The following AGAP1 variants were observed in gnomAD, a reference collection of about 807,000 sequenced individuals.
AGAP1 encodes the protein arf-GAP with GTPase, ANK repeat and PH domain-containing protein 1.
Under a neutral mutation model 105.3 loss-of-function variants are expected in AGAP1, and 29 were observed. The observed-to-expected ratio is 0.28, with a 90% CI of 0.21 to 0.38. The LOEUF (loss-of-function observed/expected upper bound fraction) is 0.38, where lower values mean the gene tolerates loss of function less well. AGAP1 is among the 10% of genes least tolerant of loss of function. The probability of loss-of-function intolerance (pLI) is 1.00; values close to 1 mark genes in which losing one functional copy is unlikely to be tolerated. For synonymous variants in AGAP1, 509 were observed against 485.9 expected, an observed-to-expected ratio of 1.05 and a Z score of -0.63; for missense variants, 998 against 1,165.1, an observed-to-expected ratio of 0.86 and a Z score of 2.09.
chr2:235,633,597 A>G lies in AGAP1; in HGVS notation c.164-75582A>G, dbSNP rs1237619779. 6.6e-6 allele frequency among the ~76,000 whole-genome samples: 1 copy of G among 151,948 alleles called. No individual in the cohort carries two copies. Among genetic ancestry groups the G allele is most frequent in the African/African-American group, 2.4e-5 (1 of 41,254 alleles). ...GACAAGAGCAAGACTCTGTCTTAAA[A>G]ATAAAAGAGCTTGAGTGAATTGTCA... On this transcript the variant is annotated intron_variant, in intron 1 of 17. Coordinates refer to ENST00000304032, the MANE Select transcript of AGAP1 (RefSeq NM_001037131.3). The surrounding 1 kb of genome is among the most constrained non-coding windows in gnomAD (Gnocchi z 4.8).
chr2:236,017,223 G>A (rs1002615335), intron 13 of AGAP1, among the ~76,000 whole-genome samples: 2 of 151,324 alleles, frequency 1.3e-5, no homozygotes, highest in Admixed American at 6.6e-5. Context: ...AACCCAGGAG[G>A]CGGAGGTTGC....
chr2:235,794,764 G>A (rs962048494), intron 6 of AGAP1, among the ~76,000 whole-genome samples: 2 of 152,086 alleles, frequency 1.3e-5, no homozygotes, highest in African/African-American at 2.4e-5. Flanking sequence ...GAGCCACCGC[G>A]CCCAGCCGCT....
chr2:235,632,497 T>G (rs1430031383), intron 1 of AGAP1, among the ~76,000 whole-genome samples: 1 of 152,206 alleles, frequency 6.6e-6, no homozygotes, highest in African/African-American at 2.4e-5. Context: ...CTGATGGGCT[T>G]TGGTGAGCTG....
At position 236,036,731 on chromosome 2, in the gene AGAP1, GC is replaced by G. The variant is rs1467495803; in HGVS notation, c.1800+19del. 6.2e-7 allele frequency: 1 copy of G among 1,613,624 alleles called. No individual in the cohort carries two copies. The highest frequency in any genetic ancestry group is 1.3e-5 in the African/African-American group (1 of 74,920). ...CAAGAACAAGGTGAGGCCCCTGGCTGCCCAAAACCAAGGCTGGGGCTGCTCA... is the reference window on the plus strand; with the variant it reads ...CAAGAACAAGGTGAGGCCCCTGGCTGCCAAAACCAAGGCTGGGGCTGCTCA... On this transcript the variant is annotated intron_variant, in intron 14 of 17. Coordinates refer to ENST00000304032, the MANE Select transcript of AGAP1 (RefSeq NM_001037131.3). This position sits in a 1 kb window ranked among gnomAD's most constrained non-coding sequence, Gnocchi z 5.7.
intron 5 of AGAP1, among the ~76,000 whole-genome samples, chr2:235,748,195 T>C (rs1953123321): frequency 6.6e-6 from 1 of 152,212 alleles, no homozygotes; most frequent in African/African-American, 2.4e-5. Context: ...CCCGTTTTGG[T>C]GCAGTGGCAG....
intron 1 of AGAP1, among the ~76,000 whole-genome samples, chr2:235,686,392 A>G (rs1213096784): frequency 6.6e-6 from 1 of 151,678 alleles, no homozygotes; most frequent in Middle Eastern, 3.2e-3. Flanking sequence ...TCTATATTGG[A>G]ATTCTTTGTC....
rs1574907388 is a variant in AGAP1, at chr2:235,586,485, A to C, written c.163+91636A>C. ...TTATGTGGTGTGTTGGATTCACAGC[A>C]GTCAAGGCTGCCACGAGCAAGTATT... On this transcript the variant is annotated intron_variant, in intron 1 of 17. Transcript: ENST00000304032. This position sits in a 1 kb window ranked among gnomAD's most constrained non-coding sequence, Gnocchi z 4.2. Among the ~76,000 whole-genome samples the C allele has an allele frequency of 6.6e-6, 1 of 152,240 alleles. No individual in the cohort carries two copies. Among genetic ancestry groups the C allele is most frequent in the South Asian group, 2.1e-4 (1 of 4,832 alleles).
chr2:235,511,937 T>G (rs560125611), intron 1 of AGAP1, among the ~76,000 whole-genome samples: 90 of 151,450 alleles, frequency 5.9e-4, no homozygotes, highest in Non-Finnish European at 7.1e-4. Flanking sequence ...TGTGAATGTG[T>G]ATGTGTGGGT....
chr2:235,793,888 A>G lies in AGAP1; in HGVS notation c.674-3871A>G, dbSNP rs538322693. Among the ~76,000 whole-genome samples, 1 of 152,338 alleles carries G rather than the reference A, an allele frequency of 6.6e-6. No individual in the cohort carries two copies. The highest frequency in any genetic ancestry group is 1.9e-4 in the East Asian group (1 of 5,186). ...GTGCTATTTCCCTCTATAGAATAGAACATTTACAGTTTGTGGATAAAGTAA... is the reference window on the plus strand; with the variant it reads ...GTGCTATTTCCCTCTATAGAATAGAGCATTTACAGTTTGTGGATAAAGTAA... On this transcript the variant is annotated intron_variant, in intron 6 of 17. Coordinates refer to ENST00000304032, the MANE Select transcript of AGAP1 (RefSeq NM_001037131.3). The surrounding 1 kb of genome is among the most constrained non-coding windows in gnomAD (Gnocchi z 5.3).
chr2:235,938,368 C>A (rs935000434), intron 12 of AGAP1, among the ~76,000 whole-genome samples: 1 of 152,196 alleles, frequency 6.6e-6, no homozygotes, highest in Admixed American at 6.5e-5. Flanking sequence ...CCTGCCCACC[C>A]GACCGCCTCC....
Position 235,535,288 on chromosome 2 carries a change from C to A in AGAP1, c.163+40439C>A, listed in dbSNP as rs975772625. Among the ~76,000 whole-genome samples, 3 of 152,074 alleles carry A rather than the reference C, an allele frequency of 2.0e-5. No individual in the cohort carries two copies. Among genetic ancestry groups the A allele is most frequent in the Admixed American group, 6.5e-5 (1 of 15,272 alleles). Reference sequence around the variant, plus strand: ...TTTCATCTGCACGTCTCTTTCAATGCGGGCGTGCGAACTTCCAGGTAGAGC... The same window carrying A: ...TTTCATCTGCACGTCTCTTTCAATGAGGGCGTGCGAACTTCCAGGTAGAGC... On this transcript the variant is annotated intron_variant, in intron 1 of 17. Coordinates refer to ENST00000304032, the MANE Select transcript of AGAP1 (RefSeq NM_001037131.3). This position sits in a 1 kb window ranked among gnomAD's most constrained non-coding sequence, Gnocchi z 5.1.
chr2:235,565,310 C>T (rs1299098217), intron 1 of AGAP1, among the ~76,000 whole-genome samples: 1 of 152,212 alleles, frequency 6.6e-6, no homozygotes, highest in Non-Finnish European at 1.5e-5. Flanking sequence ...GGCCCCATGC[C>T]ACATGACACT....
In AGAP1 at chr2:235,900,168, G is replaced by A; in HGVS notation, c.1156-8570G>A. Among the ~76,000 whole-genome samples, 1 of 152,180 alleles carries A rather than the reference G, an allele frequency of 6.6e-6. No individual in the cohort carries two copies. Among genetic ancestry groups the A allele is most frequent in the South Asian group, 2.1e-4 (1 of 4,830 alleles). ...CCAGCCTTCTCGTTTACCACGTGTA[G>A]CATAATGACCCAGACCCAATAAAGC... is the stretch of plus-strand genomic sequence containing the variant. On this transcript the variant is annotated intron_variant, in intron 10 of 17. Coordinates refer to ENST00000304032, the MANE Select transcript of AGAP1 (RefSeq NM_001037131.3). The surrounding 1 kb of genome is among the most constrained non-coding windows in gnomAD (Gnocchi z 5.5).
intron 9 of AGAP1, among the ~76,000 whole-genome samples, chr2:235,878,596 C>T (rs1052494582): frequency 2.6e-5 from 4 of 152,170 alleles, no homozygotes; most frequent in African/African-American, 9.6e-5. Flanking sequence ...GGGTTGAGGC[C>T]TTCTCAGGCT....
At position 235,556,645 on chromosome 2, in the gene AGAP1, A is replaced by T. The variant is rs1417912779; in HGVS notation, c.163+61796A>T. Among the ~76,000 whole-genome samples the T allele has an allele frequency of 1.3e-5, 2 of 152,258 alleles. No homozygotes were observed. The highest frequency in any genetic ancestry group is 2.9e-5 in the Non-Finnish European group (2 of 68,046). On this transcript the variant is annotated intron_variant, in intron 1 of 17. Transcript: ENST00000304032. The surrounding 1 kb of genome is among the most constrained non-coding windows in gnomAD (Gnocchi z 5.3). The stretch of plus-strand genomic sequence containing the variant: ...CTGGTTCCCTCTCTCCCCTATGTGC[A>T]AGTAAATAACATGCTACTATATGTA...
rs1003608028 is a variant in AGAP1 at position 235,631,806 on chromosome 2, G to A, written c.164-77373G>A. 6.6e-6 allele frequency among the ~76,000 whole-genome samples: 1 copy of A among 152,206 alleles called. No individual in the cohort carries two copies. The highest frequency in any genetic ancestry group is 1.9e-4 in the East Asian group (1 of 5,190). ...TTCCGGCTGTTGTGACGGTCTCCTC[G>A]GCTGGGTGGCCCTTCCTGCTGTCAG... On this transcript the variant is annotated intron_variant, in intron 1 of 17. Coordinates refer to ENST00000304032, the MANE Select transcript of AGAP1 (RefSeq NM_001037131.3). The surrounding 1 kb of genome is among the most constrained non-coding windows in gnomAD (Gnocchi z 5.4).
In AGAP1 at chr2:235,931,778, C is replaced by T. The variant is rs2052731585; in HGVS notation, c.1483+855C>T. 6.6e-6 allele frequency among the ~76,000 whole-genome samples: 1 copy of T among 151,986 alleles called. No individual in the cohort carries two copies. Among genetic ancestry groups the T allele is most frequent in the Non-Finnish European group, 1.5e-5 (1 of 68,020 alleles). On this transcript the variant is annotated intron_variant, in intron 12 of 17. Transcript: ENST00000304032. The surrounding 1 kb of genome is among the most constrained non-coding windows in gnomAD (Gnocchi z 5.6). Reference sequence around the variant, plus strand: ...TAAACATCATCCTTATTTCTAGTGGCTCCGCAGACGCCACCAAGCAGAAGC... The same window carrying T: ...TAAACATCATCCTTATTTCTAGTGGTTCCGCAGACGCCACCAAGCAGAAGC...
Position 235,900,572 on chromosome 2 carries a change from C to A in AGAP1, c.1156-8166C>A, listed in dbSNP as rs1233636759. On this transcript the variant is annotated intron_variant, in intron 10 of 17. Transcript: ENST00000304032. This position sits in a 1 kb window ranked among gnomAD's most constrained non-coding sequence, Gnocchi z 5.5. Reference sequence around the variant, plus strand: ...AATCCTGGCAATGGGAAAAACAATACCATATATTGGACACTGATTCAGAGC... The same window carrying A: ...AATCCTGGCAATGGGAAAAACAATAACATATATTGGACACTGATTCAGAGC... Among the ~76,000 whole-genome samples the A allele has an allele frequency of 6.6e-6, 1 of 151,994 alleles. No homozygotes were observed. The highest frequency in any genetic ancestry group is 2.4e-5 in the African/African-American group (1 of 41,368).
At chr2:235,617,144 T>C (rs560785568) in intron 1 of AGAP1, among the ~76,000 whole-genome samples, 17 of 152,166 alleles carry the variant, frequency 1.1e-4, no homozygotes, top group African/African-American at 4.1e-4. Context: ...TTAATCGTAA[T>C]GTAGGGGGAA....
Sources: gnomAD v4.1 joint callset for allele counts (sites outside exome capture counted in the v4.1 genomes callset) on GRCh38, gnomAD v4.1.1 for gene constraint, Gnocchi (gnomAD v3.1) non-coding constraint, MANE v1.5 for transcripts, NCBI Gene and HGNC (gene_info 2026-07-23, HGNC 2026-07-21) for gene names.